NARS2: variants seen among roughly 807,000 people sequenced by gnomAD.
NARS2 encodes asparaginyl-tRNA synthetase 2, mitochondrial.
A neutral mutation model predicts 62.9 loss-of-function variants in NARS2; 60 were observed. The ratio of observed to expected loss-of-function variants is 0.95; its 90% CI spans 0.77 to 1.18. NARS2 has a LOEUF of 1.18. Among genes scored for constraint, NARS2 ranks in the 50% most tolerant of loss-of-function variants. NARS2 has a pLI of 0.00. For synonymous variants in NARS2, 196 were observed against 200.0 expected (o/e 0.98, Z 0.17); for missense variants, 619 against 576.4 (o/e 1.07, Z -0.76).
At chr11:78,561,977 G>A (rs565405643) in intron 4 of NARS2, among the ~76,000 whole-genome samples, 54 of 152,196 alleles carry the variant, frequency 3.5e-4, no homozygotes, top group Non-Finnish European at 5.9e-4. Flanking sequence ...AGAGGTTGCA[G>A]TGAGCCGAGA....
intron 1 of NARS2, among the ~76,000 whole-genome samples, chr11:78,572,882 T>C (rs1856981279): frequency 6.6e-6 from 1 of 152,194 alleles, no homozygotes; most frequent in African/African-American, 2.4e-5. Context: ...TTGGTATGTA[T>C]TTTACACTTA....
In NARS2 at chr11:78,566,169, C is replaced by A. The variant is rs757944504; in HGVS notation, c.476G>T (p.Arg159Leu). 3.1e-6 allele frequency: 5 copies of A among 1,611,640 alleles called. No homozygotes were observed. The highest frequency in any genetic ancestry group is 1.7e-4 in the Middle Eastern group (1 of 6,056). Reference protein sequence around the residue: ...TNVLGSILRIRSEATAAIHSF... With the variant: ...TNVLGSILRILSEATAAIHSF... The stretch of plus-strand genomic sequence containing the variant: ...ATGAATAGCAGCTGTCGCTTCACTG[C>A]GAATCCTCAATATAGAACCCAGAAC... The change falls in exon 4 of 14, where the codon CGC becomes CTC. Residue 159 changes from arginine to leucine, a missense_variant. Coordinates refer to ENST00000281038, the MANE Select transcript of NARS2 (RefSeq NM_024678.6).
intron 9 of NARS2, among the ~76,000 whole-genome samples, chr11:78,474,998 T>C (rs973230548): frequency 6.6e-6 from 1 of 152,176 alleles, no homozygotes; most frequent in African/African-American, 2.4e-5. Flanking sequence ...CACTTTGTTA[T>C]GCAATAAATC....
In NARS2 at chr11:78,574,684, C is replaced by G. The variant is rs1006327580; in HGVS notation, c.-196G>C. On this transcript the variant is annotated 5_prime_UTR_variant, in exon 1 of 14. Transcript: ENST00000281038. ...CCCCACAGAACCTCTCCGCTTCCCACTTCCCAACGGGGCGGAATGGACAGG... is the reference window on the plus strand; with the variant it reads ...CCCCACAGAACCTCTCCGCTTCCCAGTTCCCAACGGGGCGGAATGGACAGG... 56 of 610,624 alleles carry G rather than the reference C, an allele frequency of 9.2e-5. No homozygotes were observed. In the African/African-American group the frequency reaches 9.7e-4, roughly 11 times the overall value. 37.8% of individuals were successfully genotyped at this position (610,624 alleles called of 1,614,324 possible).
chr11:78,517,037 G>T (rs1409691968), intron 6 of NARS2, among the ~76,000 whole-genome samples: 2 of 152,182 alleles, frequency 1.3e-5, no homozygotes, highest in African/African-American at 4.8e-5. Context: ...GAGTTAGCCA[G>T]ACAAAGGCAT....
At chr11:78,455,364 T>A (rs746222002) in intron 11 of NARS2, among the ~76,000 whole-genome samples, 3 of 152,240 alleles carry the variant, frequency 2.0e-5, no homozygotes, top group Non-Finnish European at 4.4e-5. Context: ...ATGATACAAG[T>A]GTGTAATTCC....
intron 7 of NARS2, among the ~76,000 whole-genome samples, chr11:78,479,278 A>G (rs1319223005): frequency 6.6e-6 from 1 of 152,188 alleles, no homozygotes; most frequent in Non-Finnish European, 1.5e-5. Flanking sequence ...TACAGCAAAA[A>G]TCAGTATATA....
chr11:78,537,189 T>C (rs1855388465), intron 5 of NARS2, among the ~76,000 whole-genome samples: 1 of 152,078 alleles, frequency 6.6e-6, no homozygotes, highest in African/African-American at 2.4e-5. Flanking sequence ...CACATGACCA[T>C]ATATGGATGG....
In NARS2 at chr11:78,436,590, C is replaced by A; in HGVS notation, c.*80G>T. ...TATTGAAATCTGCATTTCTAAAATC[C>A]AAACATGCATTCTGCTGTATGCACA... On this transcript the variant is annotated 3_prime_UTR_variant, in exon 14 of 14. Coordinates refer to ENST00000281038, the MANE Select transcript of NARS2 (RefSeq NM_024678.6). 2 of 1,415,462 alleles carry A rather than the reference C, an allele frequency of 1.4e-6. No homozygotes were observed. The highest frequency in any genetic ancestry group is 1.4e-5 in the South Asian group (1 of 72,162). 87.7% of individuals were successfully genotyped at this position (1,415,462 alleles called of 1,614,324 possible).
intron 6 of NARS2, among the ~76,000 whole-genome samples, chr11:78,505,269 T>A (rs936078620): frequency 7.5e-6 from 1 of 133,344 alleles, no homozygotes; most frequent in Admixed American, 7.7e-5. Flanking sequence ...GAAAACAAAA[T>A]ACACACACAC....
At position 78,468,912 on chromosome 11, in the gene NARS2, G is replaced by A. The variant is rs1434073805; in HGVS notation, c.1026+335C>T. On this transcript the variant is annotated intron_variant, in intron 10 of 13. Coordinates refer to ENST00000281038, the MANE Select transcript of NARS2 (RefSeq NM_024678.6). ...CTCCCAAAGTGCTGGAATTATAGGC[G>A]TGAGCCCCAACACCTGGTCTCTACA... Among the ~76,000 whole-genome samples, 4 of 151,394 alleles carry A rather than the reference G, an allele frequency of 2.6e-5. No individual in the cohort carries two copies. In the East Asian group the frequency reaches 7.8e-4, roughly 29 times the overall value.
At chr11:78,446,863 A>T (rs1857779019) in intron 11 of NARS2, among the ~76,000 whole-genome samples, 1 of 152,190 alleles carries the variant, frequency 6.6e-6, no homozygotes, top group Non-Finnish European at 1.5e-5. Context: ...CAAACTAAAA[A>T]GTTTCTGCAC....
chr11:78,566,093 A>G, intron 4 of NARS2, 39 bp downstream of exon 4: 1 of 1,527,732 alleles, frequency 6.5e-7, no homozygotes, highest in African/African-American at 1.4e-5. Context: ...AGTTATTAAA[A>G]CTGTTTAAAG....
chr11:78,545,524 CT>C (rs888860047), intron 5 of NARS2, among the ~76,000 whole-genome samples: 2,339 of 134,786 alleles, frequency 0.017, 33 homozygotes, highest in African/African-American at 0.057. Flanking sequence ...ATGCTTTTTC[CT>C]TTTTTTTTTT....
intron 11 of NARS2, among the ~76,000 whole-genome samples, chr11:78,455,523 G>A (rs1379881116): frequency 6.6e-6 from 1 of 151,978 alleles, no homozygotes; most frequent in Non-Finnish European, 1.5e-5. Context: ...GTCCTCCTAA[G>A]GTCTTCTTTT....
In NARS2 at chr11:78,472,527, CTG is replaced by C. The variant is rs1704993940; in HGVS notation, c.960-3216_960-3215del. On this transcript the variant is annotated intron_variant, in intron 9 of 13. Coordinates refer to ENST00000281038, the MANE Select transcript of NARS2 (RefSeq NM_024678.6). ...TAATATAAAGGAAATGTAAAATAAA[CTG>C]AATACAATTTCTGCATAAAGGCTAA... Among the ~76,000 whole-genome samples the C allele has an allele frequency of 2.6e-5, 4 of 152,256 alleles. No homozygotes were observed. In the South Asian group the frequency reaches 6.2e-4, roughly 24 times the overall value.
chr11:78,574,458 C>G lies in NARS2; in HGVS notation c.31G>C (p.Val11Leu). The change falls in exon 1 of 14, where the codon GTG becomes CTG. Residue 11 changes from valine (V) to leucine (L), a missense_variant. By Grantham distance (32) the Val-to-Leu change is conservative. Transcript: ENST00000281038. ...AAGGGGGCGGAGGAACAGAAGCGCA[C>G]GGACCGCAGCAGGCAGCGGACCCCC... MLGVRCLLRS[V>L]RFCSSAPFPK... 6.2e-7 allele frequency: 1 copy of G among 1,613,658 alleles called. No individual in the cohort carries two copies. Among genetic ancestry groups the G allele is most frequent in the Non-Finnish European group, 8.5e-7 (1 of 1,179,856 alleles).
intron 5 of NARS2, among the ~76,000 whole-genome samples, chr11:78,544,029 A>AAAC (rs1565272233): frequency 6.6e-6 from 1 of 151,030 alleles, no homozygotes; most frequent in African/African-American, 2.4e-5. Context: ...AAAAAAAAAA[A>AAAC]AAAAAAAAAA....
At chr11:78,572,636 C>T (rs1399693182) in intron 1 of NARS2, among the ~76,000 whole-genome samples, 1 of 152,180 alleles carries the variant, frequency 6.6e-6, no homozygotes, top group Admixed American at 6.5e-5. Context: ...TCTTTACTTA[C>T]CTTACTACCA....
Sources: gnomAD v4.1 joint callset for allele counts (sites outside exome capture counted in the v4.1 genomes callset) on GRCh38, gnomAD v4.1.1 for gene constraint, MANE v1.5 for transcripts, NCBI Gene and HGNC (gene_info 2026-07-23, HGNC 2026-07-21) for gene names.